SETMAR: variants seen among roughly 807,000 people sequenced by gnomAD.
SETMAR encodes SET and mariner transposase domain methyltransferase, also known as histone-lysine N-methyltransferase SETMAR.
SETMAR carries 44 observed loss-of-function variants against 58.4 expected under a neutral mutation model. The ratio of observed to expected loss-of-function variants is 0.75; its 90% CI spans 0.59 to 0.97. The LOEUF is 0.97. SETMAR is among the 50% of genes least tolerant of loss of function. The pLI, the probability that SETMAR is intolerant of heterozygous loss-of-function variation, is 0.00. For synonymous variants in SETMAR, 332 were observed against 307.4 expected (o/e 1.08, Z -0.84); for missense variants, 903 against 840.2 (o/e 1.07, Z -0.92).
At chr3:4,310,714 G>C (rs953552262) in intron 1 of SETMAR, among the ~76,000 whole-genome samples, 13 of 152,020 alleles carry the variant, frequency 8.6e-5, no homozygotes, top group Non-Finnish European at 1.5e-4. Context: ...AAATAAAACT[G>C]TTTTTCACCT....
Position 4,316,411 on chromosome 3 carries a change from G to A in SETMAR, c.1220G>A (p.Gly407Asp). 1.3e-6 allele frequency: 2 copies of A among 1,581,334 alleles called. No individual in the cohort carries two copies. The highest frequency in any genetic ancestry group is 3.5e-5 in the Admixed American group (2 of 56,886). The change falls in exon 3 of 3, where the codon GGC becomes GAC. Residue 407 changes from glycine (G) to aspartate (D), a missense_variant. Coordinates refer to ENST00000358065, the MANE Select transcript of SETMAR (RefSeq NM_006515.4). Reference protein sequence around the residue: ...DESLEDEERSGRPSEVDNDQL... With the variant: ...DESLEDEERSDRPSEVDNDQL... Reference sequence around the variant, plus strand: ...AGCCTTGAAGATGAGGAGCGTAGTGGCCGGCCATCAGAAGTTGACAACGAC... The same window carrying A: ...AGCCTTGAAGATGAGGAGCGTAGTGACCGGCCATCAGAAGTTGACAACGAC...
At position 4,315,763 on chromosome 3, in the gene SETMAR, G is replaced by T. The variant is rs535281964; in HGVS notation, c.1021-449G>T. 2.6e-5 allele frequency among the ~76,000 whole-genome samples: 4 copies of T among 152,092 alleles called. No individual in the cohort carries two copies. In the East Asian group the frequency reaches 7.7e-4, roughly 29 times the overall value. On this transcript the variant is annotated intron_variant, in intron 2 of 2. Coordinates refer to ENST00000358065, the MANE Select transcript of SETMAR (RefSeq NM_006515.4). ...TTATAAGATTCAAATTTTAAAAGAT[G>T]GGGCTGGGTGCAGTGGCTCACACCT... is the stretch of plus-strand genomic sequence containing the variant.
At chr3:4,303,746 C>T (rs183046961) in intron 1 of SETMAR, 1 of 1,484,220 alleles carries the variant, frequency 6.7e-7, no homozygotes, top group Admixed American at 2.1e-5. Context: ...TCAGTCCATT[C>T]CCTGAAGCGC....
intron 1 of SETMAR, among the ~76,000 whole-genome samples, chr3:4,309,229 TAAAG>T (rs915230760): frequency 5.3e-5 from 8 of 152,112 alleles, no homozygotes; most frequent in African/African-American, 1.9e-4. Flanking sequence ...TTATCAGACT[TAAAG>T]AGTCTGTTCT....
intron 1 of SETMAR, 79 bp downstream of exon 1, chr3:4,303,605 G>T (rs958019878): frequency 4.4e-6 from 6 of 1,372,272 alleles, no homozygotes; most frequent in African/African-American, 1.5e-5. Context: ...TCGCTGGGAC[G>T]GCCTCCCAGT....
chr3:4,316,290 G>A lies in SETMAR; in HGVS notation c.1099G>A (p.Glu367Lys), dbSNP rs758181878. The change falls in exon 3 of 3, where the codon GAA becomes AAA. Residue 367 changes from glutamate to lysine, a missense_variant. Glu to Lys is a moderately conservative substitution (Grantham distance 56). Coordinates refer to ENST00000358065, the MANE Select transcript of SETMAR (RefSeq NM_006515.4). Reference sequence around the variant, plus strand: ...GTTCAAAATGGGTCGTAAAGCAGCAGAAACAACTCGCAACATCAACAATGC... The same window carrying A: ...GTTCAAAATGGGTCGTAAAGCAGCAAAAACAACTCGCAACATCAACAATGC... ...FEFKMGRKAA[E>K]TTRNINNAFG... is the part of the protein sequence containing the mutation. The A allele has an allele frequency of 3.8e-6, 4 of 1,040,012 alleles. No individual in the cohort carries two copies. The highest frequency in any genetic ancestry group is 2.7e-5 in the South Asian group (2 of 74,270). The allele number at this position is 1,040,012 out of a possible 1,614,324, so 64.4% of individuals were successfully genotyped here. A position where few individuals can be genotyped will look rare whatever the true frequency, so the allele number is the denominator to read the frequency against.
At position 4,316,321 on chromosome 3, in the gene SETMAR, G is replaced by T. The variant is rs748272475; in HGVS notation, c.1130G>T (p.Gly377Val). 19 of 1,260,666 alleles carry T rather than the reference G, an allele frequency of 1.5e-5. No individual in the cohort carries two copies. Among genetic ancestry groups the T allele is most frequent in the Non-Finnish European group, 2.1e-5 (19 of 893,480 alleles). The allele number at this position is 1,260,666 out of a possible 1,614,324, so 78.1% of individuals were successfully genotyped here. A position where few individuals can be genotyped will look rare whatever the true frequency, so the allele number is the denominator to read the frequency against. The part of the protein sequence containing the change: ...ETTRNINNAF[G>V]PGTANERTVQ... The stretch of plus-strand genomic sequence containing the variant: ...ACTCGCAACATCAACAATGCATTTG[G>T]CCCAGGAACTGCTAACGAACGTACA... The change falls in exon 3 of 3, where the codon GGC becomes GTC. Residue 377 changes from glycine to valine, a missense_variant. Gly to Val is a moderately radical substitution (Grantham distance 109, BLOSUM62 -3). Transcript: ENST00000358065.
Position 4,316,451 on chromosome 3 carries a change from C to G in SETMAR, c.1260C>G (p.Ile420Met). 1.2e-6 allele frequency: 2 copies of G among 1,602,692 alleles called. No individual in the cohort carries two copies. The highest frequency in any genetic ancestry group is 4.5e-5 in the East Asian group (2 of 44,390). The change falls in exon 3 of 3, where the codon ATC becomes ATG. Residue 420 changes from isoleucine (I) to methionine (M), a missense_variant. Ile to Met is a conservative substitution (Grantham distance 10). Coordinates refer to ENST00000358065, the MANE Select transcript of SETMAR (RefSeq NM_006515.4). ...SEVDNDQLRA[I>M]IEADPLTTTR... ...TTGACAACGACCAGTTGAGAGCAATCATCGAAGCTGATCCCCTTACAACTA... is the reference window on the plus strand; with the variant it reads ...TTGACAACGACCAGTTGAGAGCAATGATCGAAGCTGATCCCCTTACAACTA...
intron 1 of SETMAR, 103 bp downstream of exon 1, chr3:4,303,629 C>T (rs896663473): frequency 4.3e-6 from 6 of 1,395,346 alleles, no homozygotes; most frequent in Middle Eastern, 2.6e-4. Context: ...GACCTTTTGT[C>T]TTCTCTTACA....
chr3:4,306,535 C>A (rs529506709), intron 1 of SETMAR, among the ~76,000 whole-genome samples: 1 of 152,084 alleles, frequency 6.6e-6, no homozygotes, highest in African/African-American at 2.4e-5. Flanking sequence ...TGCACAGCTC[C>A]CAATAAAGTT....
At chr3:4,306,192 A>T (rs931612512) in intron 1 of SETMAR, among the ~76,000 whole-genome samples, 3 of 152,168 alleles carry the variant, frequency 2.0e-5, no homozygotes, top group Non-Finnish European at 4.4e-5. Flanking sequence ...TCCAATCTTG[A>T]GTCATATTTT....
chr3:4,315,367 A>G (rs1046551460), intron 2 of SETMAR, among the ~76,000 whole-genome samples: 1 of 152,212 alleles, frequency 6.6e-6, no homozygotes, highest in African/African-American at 2.4e-5. Flanking sequence ...ACCCTTTTCT[A>G]TGTCCTTTTG....
chr3:4,303,701 C>T (rs1698053047), intron 1 of SETMAR, 175 bp downstream of exon 1: 1 of 1,501,740 alleles, frequency 6.7e-7, no homozygotes, highest in Non-Finnish European at 8.9e-7. Context: ...TTTCTGTTGA[C>T]CCACGGCATC....
chr3:4,314,113 A>G, intron 2 of SETMAR: 1 of 340,450 alleles, frequency 2.9e-6, no homozygotes, highest in Non-Finnish European at 5.4e-6. Context: ...CAGTCATCCT[A>G]GACCCCAGGA....
chr3:4,309,091 A>T (rs1221314201), intron 1 of SETMAR, among the ~76,000 whole-genome samples: 1 of 152,218 alleles, frequency 6.6e-6, no homozygotes, highest in Non-Finnish European at 1.5e-5. Flanking sequence ...GCTTGAAGGA[A>T]TTGTTATTGT....
At chr3:4,303,601 G>C in intron 1 of SETMAR, 75 bp downstream of exon 1, 5 of 1,374,980 alleles carry the variant, frequency 3.6e-6, no homozygotes, top group Non-Finnish European at 4.7e-6. Flanking sequence ...CGCCTCGCTG[G>C]GACGGCCTCC....
chr3:4,303,622 C>G (rs1055735358), intron 1 of SETMAR, 96 bp downstream of exon 1: 1 of 1,388,780 alleles, frequency 7.2e-7, no homozygotes, highest in Non-Finnish European at 9.3e-7. Flanking sequence ...CAGTCGCGAC[C>G]TTTTGTCTTC....
chr3:4,304,913 A>G (rs1482559622), intron 1 of SETMAR, among the ~76,000 whole-genome samples: 3 of 151,982 alleles, frequency 2.0e-5, no homozygotes, highest in Non-Finnish European at 4.4e-5. Context: ...GGAGACGTCA[A>G]TCAAATACAT....
At chr3:4,312,794 TTA>T (rs1698462310) in intron 1 of SETMAR, 102 bp from the exon 2 acceptor site, 1 of 1,358,784 alleles carries the variant, frequency 7.4e-7, no homozygotes, top group Non-Finnish European at 1.0e-6. Flanking sequence ...TGTCCTGTTT[TTA>T]TATATGTTAG....
Sources: gnomAD v4.1 joint callset for allele counts (sites outside exome capture counted in the v4.1 genomes callset) on GRCh38, gnomAD v4.1.1 for gene constraint, MANE v1.5 for transcripts, NCBI Gene and HGNC (gene_info 2026-07-23, HGNC 2026-07-21) for gene names.